Variants in MERTK observed in about 807,000 individuals in gnomAD.
MERTK encodes MER proto-oncogene, tyrosine kinase.
In MERTK, 69 loss-of-function variants were observed where a neutral mutation model predicts 99.3. The observed-to-expected ratio is 0.70, with a 90% CI of 0.57 to 0.85. MERTK has a LOEUF of 0.85. Among genes scored for constraint, MERTK ranks in the 40% least tolerant of loss-of-function variants. MERTK has a pLI of 0.00. For synonymous variants in MERTK, 426 were observed against 467.6 expected, an observed-to-expected ratio of 0.91 and a Z score of 1.15; for missense variants, 1,125 against 1,249.4, an observed-to-expected ratio of 0.90 and a Z score of 1.50.
chr2:111,961,148 TTTTC>T (rs1301501960), intron 4 of MERTK, among the ~76,000 whole-genome samples: 1 of 149,578 alleles, frequency 6.7e-6, no homozygotes, highest in South Asian at 2.1e-4. Flanking sequence ...GCACTTTAAA[TTTTC>T]TTTCTTTTTT....
intron 10 of MERTK, 107 bp downstream of exon 10, chr2:111,997,583 G>T: frequency 7.4e-7 from 1 of 1,346,198 alleles, no homozygotes; most frequent in Non-Finnish European, 1.0e-6. Context: ...CTCCCAGATG[G>T]CTGCCCTGCC....
chr2:111,987,250 A>T (rs549493674), intron 8 of MERTK, among the ~76,000 whole-genome samples: 2 of 152,318 alleles, frequency 1.3e-5, no homozygotes, highest in East Asian at 3.9e-4. Context: ...TCGCAGCTAC[A>T]CAGAAGACAG....
chr2:111,920,005 A>G (rs960837991), intron 1 of MERTK, among the ~76,000 whole-genome samples: 1 of 151,912 alleles, frequency 6.6e-6, no homozygotes, highest in African/African-American at 2.4e-5. Flanking sequence ...ATGCTGCTCT[A>G]AGCCCCAAGA....
At chr2:111,986,664 C>T (rs1214363078) in intron 8 of MERTK, among the ~76,000 whole-genome samples, 1 of 152,238 alleles carries the variant, frequency 6.6e-6, no homozygotes. Context: ...TGTGCATTCT[C>T]ATTGCCCTTT....
At chr2:111,964,039 C>CTTCCTTTTTTTTTTT (rs1305839691) in intron 4 of MERTK, among the ~76,000 whole-genome samples, 3 of 40,480 alleles carry the variant, frequency 7.4e-5, no homozygotes, top group African/African-American at 2.8e-4. Context: ...CAAAAATTTT[C>CTTCCTTTTTTTTTTT]TTTCTTTTTT....
At chr2:111,956,246 A>G (rs752690682) in intron 4 of MERTK, among the ~76,000 whole-genome samples, 14 of 152,320 alleles carry the variant, frequency 9.2e-5, no homozygotes, top group Non-Finnish European at 1.8e-4. Context: ...TGTCTACTAC[A>G]TAAAACATTT....
intron 14 of MERTK, 95 bp downstream of exon 14, chr2:112,008,570 C>T (rs374923621): frequency 1.1e-6 from 1 of 883,764 alleles, no homozygotes; most frequent in Non-Finnish European, 1.9e-6. Flanking sequence ...TAAGTTTACA[C>T]TTCGTATAAC....
Position 112,008,408 on chromosome 2 carries a change from C to T in MERTK, c.1893C>T (p.Ile631=), listed in dbSNP as rs543947091. 5.3e-5 allele frequency: 85 copies of T among 1,613,902 alleles called. 1 individual carries two copies. In the South Asian group the frequency reaches 5.3e-4, roughly 10 times the overall value. The stretch of plus-strand genomic sequence containing the variant: ...TGGACAACTCTTCACAGCGGGAGAT[C>T]GAGGAGTTTCTCAGTGAGGCAGCGT... ...MKLDNSSQRE[I]EEFLSEAACM... is the part of the protein sequence containing the mutation. The change falls in exon 14 of 19, where the codon ATC becomes ATT. Residue 631 remains isoleucine (I), a synonymous_variant. Coordinates refer to ENST00000295408, the MANE Select transcript of MERTK (RefSeq NM_006343.3).
chr2:111,949,101 A>G (rs1685010721), intron 4 of MERTK, among the ~76,000 whole-genome samples: 1 of 151,896 alleles, frequency 6.6e-6, no homozygotes, highest in Non-Finnish European at 1.5e-5. Flanking sequence ...CCTTTGTCCC[A>G]TGACCCAACT....
At position 112,003,955 on chromosome 2, in the gene MERTK, C is replaced by A; in HGVS notation, c.1838C>A (p.Ser613Tyr). 6.2e-7 allele frequency: 1 copy of A among 1,613,694 alleles called. No homozygotes were observed. The highest frequency in any genetic ancestry group is 8.5e-7 in the Non-Finnish European group (1 of 1,179,634). ...EGNLKQEDGT[S>Y]LKVAVKTMKL... ...AATCTTAAGCAGGAAGATGGGACCT[C>A]TCTGAAAGTGGCAGTGAAGACCATG... is the stretch of plus-strand genomic sequence containing the variant. Residue 613 changes from serine (S) to tyrosine (Y), a missense_variant, in exon 13 of 19, where the codon TCT becomes TAT. Ser to Tyr is a moderately radical substitution (Grantham distance 144). Transcript: ENST00000295408.
chr2:111,949,195 T>C (rs914297838), intron 4 of MERTK, among the ~76,000 whole-genome samples: 1 of 152,052 alleles, frequency 6.6e-6, no homozygotes, highest in African/African-American at 2.4e-5. Flanking sequence ...TACTCCTCCA[T>C]TGCACTTGTC....
chr2:112,004,374 G>A (rs1047854097), intron 13 of MERTK, among the ~76,000 whole-genome samples: 2 of 152,254 alleles, frequency 1.3e-5, no homozygotes, highest in East Asian at 3.9e-4. Flanking sequence ...TGGCCGGCCT[G>A]TCTAGTGTGG....
chr2:111,996,485 A>C (rs1330853425), intron 9 of MERTK: 2 of 154,468 alleles, frequency 1.3e-5, no homozygotes, highest in African/African-American at 4.8e-5. Flanking sequence ...GACATTTTAC[A>C]AAAATGGGTA....
intron 1 of MERTK, among the ~76,000 whole-genome samples, chr2:111,905,502 G>A (rs1430014176): frequency 7.3e-6 from 1 of 137,904 alleles, no homozygotes; most frequent in African/African-American, 2.7e-5. Context: ...GCAGTGGCGC[G>A]ATCTCAGCTT....
intron 17 of MERTK, 83 bp downstream of exon 17, chr2:112,021,664 A>T: frequency 7.6e-7 from 1 of 1,315,110 alleles, no homozygotes; most frequent in Non-Finnish European, 1.1e-6. Flanking sequence ...TGGTATGGCA[A>T]GACATTTTAC....
At chr2:111,912,657 A>G (rs1412949020) in intron 1 of MERTK, among the ~76,000 whole-genome samples, 2 of 152,136 alleles carry the variant, frequency 1.3e-5, no homozygotes, top group Admixed American at 6.6e-5. Flanking sequence ...TTTCTTCCCA[A>G]GAGTACTCTA....
At chr2:112,022,717 A>C (rs1248703388) in intron 18 of MERTK, 2 of 495,348 alleles carry the variant, frequency 4.0e-6, no homozygotes, top group African/African-American at 3.8e-5. Context: ...CACAGATAAT[A>C]GCTTCGCCTT....
chr2:111,985,055 C>G (rs1460900564), intron 8 of MERTK, among the ~76,000 whole-genome samples: 2 of 152,206 alleles, frequency 1.3e-5, no homozygotes, highest in African/African-American at 4.8e-5. Context: ...AGTGAAGACT[C>G]TCTAGTGTAA....
intron 2 of MERTK, among the ~76,000 whole-genome samples, chr2:111,932,881 C>T (rs892408982): frequency 2.0e-5 from 3 of 151,934 alleles, no homozygotes; most frequent in South Asian, 2.1e-4. Context: ...TCTCTCTGGC[C>T]GAAGGGGACG....
Sources: allele counts gnomAD v4.1 joint callset (sites outside exome capture counted in the v4.1 genomes callset), GRCh38; gene constraint gnomAD v4.1.1; transcripts MANE v1.5; gene names NCBI Gene and HGNC (gene_info 2026-07-23, HGNC 2026-07-21).